Variants in GRIK2 observed in about 807,000 individuals in gnomAD.
GRIK2 encodes the protein glutamate ionotropic receptor kainate type subunit 2.
In GRIK2, 32 loss-of-function variants were observed where a neutral mutation model predicts 100.3. That is an observed-to-expected ratio of 0.32 (90% CI 0.24 to 0.43). The LOEUF (loss-of-function observed/expected upper bound fraction) is 0.43. Ranked by LOEUF, GRIK2 falls within the 20% of genes least tolerant of loss-of-function variation. The pLI is 1.00. For synonymous variants in GRIK2, 417 were observed against 389.4 expected (o/e 1.07, Z -0.83); for missense variants, 843 against 1,114.9 (o/e 0.76, Z 3.47).
At chr6:101,762,128 T>A in intron 7 of GRIK2, among the ~76,000 whole-genome samples, 1 of 137,762 alleles carries the variant, frequency 7.3e-6, no homozygotes, top group South Asian at 2.4e-4. Context: ...TCCCTTCCTT[T>A]CCTTCCTCCC....
chr6:101,908,929 T>C (rs1368427519), intron 12 of GRIK2, among the ~76,000 whole-genome samples: 1 of 151,182 alleles, frequency 6.6e-6, no homozygotes, highest in African/African-American at 2.4e-5. Flanking sequence ...CACTGAGTGG[T>C]TGAAAGACAT....
intron 2 of GRIK2, among the ~76,000 whole-genome samples, chr6:101,578,683 C>A (rs1354226140): frequency 3.9e-5 from 6 of 152,098 alleles, no homozygotes; most frequent in Non-Finnish European, 1.5e-5. Flanking sequence ...GCCTTCCCAC[C>A]TTCCCCACCT....
intron 2 of GRIK2, among the ~76,000 whole-genome samples, chr6:101,458,910 T>C (rs1353880419): frequency 6.6e-6 from 1 of 152,170 alleles, no homozygotes; most frequent in African/African-American, 2.4e-5. Context: ...AAAGTAAAAG[T>C]GTTCAAACTG....
chr6:101,532,759 T>A (rs1002467814), intron 2 of GRIK2, among the ~76,000 whole-genome samples: 1 of 151,596 alleles, frequency 6.6e-6, no homozygotes, highest in Non-Finnish European at 1.5e-5. Flanking sequence ...CCTAAAGAGA[T>A]CTTAGAAGAC....
rs1229158380 is a variant in GRIK2 at position 101,485,560 on chromosome 6, ATTTG to A, written c.115+86172_115+86175del. On this transcript the variant is annotated intron_variant, in intron 2 of 16. Coordinates refer to ENST00000369134, the MANE Select transcript of GRIK2 (RefSeq NM_021956.5). The stretch of plus-strand genomic sequence containing the variant: ...ATGTTGATAAGCTTGTATGTTAGTC[ATTTG>A]TTTAAGTCATTAATTCTGAAAAGTA... Among the ~76,000 whole-genome samples the A allele has an allele frequency of 5.3e-5, 8 of 152,284 alleles. No individual in the cohort carries two copies. In the East Asian group the frequency reaches 9.6e-4, roughly 18 times the overall value.
chr6:101,656,609 C>T (rs1013488923), intron 4 of GRIK2, among the ~76,000 whole-genome samples: 2 of 152,040 alleles, frequency 1.3e-5, no homozygotes, highest in Non-Finnish European at 2.9e-5. Context: ...GAATTTAAAT[C>T]GCCCTTTGAT....
chr6:101,651,297 G>A (rs937715343), intron 4 of GRIK2, among the ~76,000 whole-genome samples: 1 of 152,022 alleles, frequency 6.6e-6, no homozygotes, highest in Non-Finnish European at 1.5e-5. Flanking sequence ...TTTCCAAATG[G>A]ACTACAAGCT....
chr6:101,535,554 T>C (rs1421012999), intron 2 of GRIK2, among the ~76,000 whole-genome samples: 1 of 151,700 alleles, frequency 6.6e-6, no homozygotes, highest in Non-Finnish European at 1.5e-5. Flanking sequence ...AATCAAACAA[T>C]TACCAATGCT....
At chr6:101,657,239 T>C (rs1463288656) in intron 4 of GRIK2, among the ~76,000 whole-genome samples, 2 of 152,306 alleles carry the variant, frequency 1.3e-5, no homozygotes, top group Non-Finnish European at 2.9e-5. Flanking sequence ...CTTTGCCTTA[T>C]GGTGTTCTTG....
At chr6:101,403,177 G>T (rs562024637) in intron 2 of GRIK2, among the ~76,000 whole-genome samples, 2 of 152,288 alleles carry the variant, frequency 1.3e-5, no homozygotes, top group East Asian at 1.9e-4. Flanking sequence ...TCAAGGTCAG[G>T]TTTTCATTCA....
At chr6:101,477,650 G>C (rs1358213797) in intron 2 of GRIK2, among the ~76,000 whole-genome samples, 1 of 152,182 alleles carries the variant, frequency 6.6e-6, no homozygotes, top group Non-Finnish European at 1.5e-5. Context: ...AATTAGCACT[G>C]TTCACACTTG....
chr6:101,782,346 T>C (rs1387317941), intron 7 of GRIK2, among the ~76,000 whole-genome samples: 1 of 152,202 alleles, frequency 6.6e-6, no homozygotes, highest in Non-Finnish European at 1.5e-5. Flanking sequence ...TCTCCTCGTC[T>C]GTCCTTCTCA....
intron 2 of GRIK2, among the ~76,000 whole-genome samples, chr6:101,502,729 G>A (rs1582593950): frequency 6.6e-6 from 1 of 152,268 alleles, no homozygotes; most frequent in African/African-American, 2.4e-5. Context: ...TTCCAATTCA[G>A]TGTGCGAATT....
intron 7 of GRIK2, among the ~76,000 whole-genome samples, chr6:101,750,380 G>A (rs1776712720): frequency 6.6e-6 from 1 of 152,072 alleles, no homozygotes; most frequent in African/African-American, 2.4e-5. Context: ...TGTCCATGAT[G>A]CTTCCTTTAT....
In GRIK2 at chr6:101,406,455, T is replaced by C. The variant is rs557020324; in HGVS notation, c.115+7063T>C. On this transcript the variant is annotated intron_variant, in intron 2 of 16. Coordinates refer to ENST00000369134, the MANE Select transcript of GRIK2 (RefSeq NM_021956.5). ...GGTTTGGGGAGGGTATGTCTTTTAG[T>C]TATTTTTTCTACTGATACATATACT... Among the ~76,000 whole-genome samples the C allele has an allele frequency of 3.3e-5, 5 of 152,278 alleles. No individual in the cohort carries two copies. The South Asian group carries it at 1.0e-3, about 32-fold the overall frequency.
At chr6:101,597,962 T>C (rs1019549983) in intron 2 of GRIK2, among the ~76,000 whole-genome samples, 3 of 151,710 alleles carry the variant, frequency 2.0e-5, no homozygotes, top group Non-Finnish European at 4.4e-5. Context: ...GCAGCTGTTA[T>C]GACATCACCC....
intron 2 of GRIK2, among the ~76,000 whole-genome samples, chr6:101,586,718 TA>T (rs68016883): frequency 8.2e-5 from 12 of 145,908 alleles, no homozygotes; most frequent in African/African-American, 1.5e-4. Flanking sequence ...AAAATAAAAT[TA>T]AAAAAAAAAC....
intron 2 of GRIK2, among the ~76,000 whole-genome samples, chr6:101,419,874 G>A (rs1776330897): frequency 6.6e-6 from 1 of 152,176 alleles, no homozygotes; most frequent in Admixed American, 6.5e-5. Flanking sequence ...GTTGCATGCT[G>A]TAACAAAAAT....
chr6:101,734,027 C>T (rs1041814961), intron 7 of GRIK2, among the ~76,000 whole-genome samples: 3 of 151,998 alleles, frequency 2.0e-5, no homozygotes, highest in South Asian at 2.1e-4. Context: ...TTAATTAATG[C>T]CCATATTTTT....
Sources: gnomAD v4.1 joint callset for allele counts (sites outside exome capture counted in the v4.1 genomes callset) on GRCh38, gnomAD v4.1.1 for gene constraint, MANE v1.5 for transcripts, NCBI Gene and HGNC (gene_info 2026-07-23, HGNC 2026-07-21) for gene names.